The following ZCWPW2 variants were observed in gnomAD, a reference collection of about 807,000 sequenced individuals.
ZCWPW2 encodes the protein zinc finger CW-type PWWP domain protein 2.
A neutral mutation model predicts 46.6 loss-of-function variants in ZCWPW2; 45 were observed. That is an observed-to-expected ratio of 0.96 (90% CI 0.76 to 1.24). The LOEUF is 1.24. Ranked by LOEUF, ZCWPW2 falls within the 50% of genes most tolerant of loss-of-function variation. The probability of loss-of-function intolerance (pLI) is 0.00; values close to 1 mark genes in which losing one functional copy is unlikely to be tolerated. For missense variants in ZCWPW2, 429 were observed against 403.9 expected (o/e 1.06, Z -0.53); for synonymous variants, 152 against 137.1 (o/e 1.11, Z -0.76).
intron 4 of ZCWPW2, among the ~76,000 whole-genome samples, chr3:28,465,859 T>A (rs926900928): frequency 6.6e-6 from 1 of 152,096 alleles, no homozygotes; most frequent in Non-Finnish European, 1.5e-5. Flanking sequence ...TCTTTCTGCC[T>A]TAAAGACACA....
At position 28,380,033 on chromosome 3, in the gene ZCWPW2, A is replaced by G. The variant is rs556486751; in HGVS notation, c.-133-10465A>G. The stretch of plus-strand genomic sequence containing the variant: ...AGTCTAGCTCTGTCGCTCAGGCTGG[A>G]GTGCAGTGGCGTCATCTCGGCTCAC... On this transcript the variant is annotated intron_variant, in intron 1 of 9. Coordinates refer to ENST00000383768, the MANE Select transcript of ZCWPW2 (RefSeq NM_001040432.4). 3.4e-4 allele frequency among the ~76,000 whole-genome samples: 52 copies of G among 152,112 alleles called. No individual in the cohort carries two copies. The South Asian group carries it at 8.7e-3, about 26-fold the overall frequency.
chr3:28,431,743 G>A (rs1038694940), intron 3 of ZCWPW2, among the ~76,000 whole-genome samples: 2 of 152,126 alleles, frequency 1.3e-5, no homozygotes, highest in African/African-American at 4.8e-5. Context: ...TAACAACACA[G>A]TGAGGAACCA....
intron 5 of ZCWPW2, among the ~76,000 whole-genome samples, chr3:28,487,760 A>G (rs1211314669): frequency 6.6e-6 from 1 of 152,112 alleles, no homozygotes; most frequent in Non-Finnish European, 1.5e-5. Context: ...GGGGGAGGGA[A>G]AGCATTCTAT....
chr3:28,470,252 C>T (rs1020113504), intron 4 of ZCWPW2, among the ~76,000 whole-genome samples: 2 of 152,012 alleles, frequency 1.3e-5, no homozygotes, highest in African/African-American at 4.8e-5. Context: ...CCCAGCACTT[C>T]GGAAGGCCGA....
intron 2 of ZCWPW2, among the ~76,000 whole-genome samples, chr3:28,405,820 G>A (rs1696134917): frequency 6.6e-6 from 1 of 152,094 alleles, no homozygotes; most frequent in Non-Finnish European, 1.5e-5. Context: ...AAAGAAAAGA[G>A]GAGTGCAATA....
chr3:28,461,690 C>T (rs1244866051), intron 4 of ZCWPW2: 2 of 152,022 alleles, frequency 1.3e-5, no homozygotes, highest in Admixed American at 6.6e-5. Context: ...TGAAATTCTT[C>T]TAGGTTCCAA....
In ZCWPW2 at chr3:28,496,978, A is replaced by G. The variant is rs1373201761; in HGVS notation, c.657+4805A>G. On this transcript the variant is annotated intron_variant, in intron 6 of 9. Coordinates refer to ENST00000383768, the MANE Select transcript of ZCWPW2 (RefSeq NM_001040432.4). The stretch of plus-strand genomic sequence containing the variant: ...GTTTGTATTTTGTTTATTTATATAA[A>G]TACGTAAGTACTTATATACATTATA... 4.0e-5 allele frequency among the ~76,000 whole-genome samples: 6 copies of G among 150,728 alleles called. 1 individual carries two copies. The East Asian group carries it at 1.2e-3, about 29-fold the overall frequency.
At chr3:28,440,770 TG>T (rs1359183257) in intron 4 of ZCWPW2, among the ~76,000 whole-genome samples, 1 of 152,172 alleles carries the variant, frequency 6.6e-6, no homozygotes, top group Non-Finnish European at 1.5e-5. Context: ...AGGCATTCTG[TG>T]AGTCGATGGA....
chr3:28,493,138 A>ATTTTTTTTTATTTTT (rs1173597960), intron 6 of ZCWPW2, among the ~76,000 whole-genome samples: 1 of 56,634 alleles, frequency 1.8e-5, no homozygotes, highest in African/African-American at 8.1e-5. Flanking sequence ...TTTTTATTTT[A>ATTTTTTTTTATTTTT]TTTTTTTTAA....
chr3:28,398,612 G>T (rs1404034881), intron 2 of ZCWPW2, among the ~76,000 whole-genome samples: 1 of 152,068 alleles, frequency 6.6e-6, no homozygotes, highest in Non-Finnish European at 1.5e-5. Flanking sequence ...AAATACTGTG[G>T]GTGTCCAAAC....
At chr3:28,377,570 A>T (rs1221419628) in intron 1 of ZCWPW2, among the ~76,000 whole-genome samples, 2 of 152,054 alleles carry the variant, frequency 1.3e-5, no homozygotes, top group Non-Finnish European at 2.9e-5. Flanking sequence ...CCTTTAAATA[A>T]ATCAGCTGTA....
intron 6 of ZCWPW2, among the ~76,000 whole-genome samples, chr3:28,508,020 A>G (rs1441801025): frequency 6.6e-6 from 1 of 152,150 alleles, no homozygotes; most frequent in Non-Finnish European, 1.5e-5. Flanking sequence ...TCAGGGTTCT[A>G]CAGGCTGTAC....
At chr3:28,417,140 T>C (rs1299354562) in intron 3 of ZCWPW2, among the ~76,000 whole-genome samples, 2 of 148,718 alleles carry the variant, frequency 1.3e-5, no homozygotes, top group Admixed American at 1.4e-4. Context: ...AAAGGGGATA[T>C]CACTGCTAGC....
At chr3:28,474,483 T>C (rs1307908924) in intron 4 of ZCWPW2, among the ~76,000 whole-genome samples, 4 of 152,088 alleles carry the variant, frequency 2.6e-5, no homozygotes, top group Admixed American at 2.0e-4. Context: ...TTGAGCATTG[T>C]CAAATAAATA....
intron 1 of ZCWPW2, among the ~76,000 whole-genome samples, chr3:28,373,250 T>A (rs764396985): frequency 1.9e-4 from 29 of 152,214 alleles, no homozygotes; most frequent in Non-Finnish European, 3.4e-4. Context: ...ACATAGCAGC[T>A]ATACTAATTC....
chr3:28,524,515 G>A lies in ZCWPW2; in HGVS notation c.910-12G>A, dbSNP rs2125841804. 6.3e-7 allele frequency: 1 copy of A among 1,599,822 alleles called. No individual in the cohort carries two copies. The highest frequency in any genetic ancestry group is 8.5e-7 in the Non-Finnish European group (1 of 1,175,344). Reference sequence around the variant, plus strand: ...TGACATAGTTCCGATTAATTATATGGTTGTTTTGCAGTTATCTAAATGCAG... The same window carrying A: ...TGACATAGTTCCGATTAATTATATGATTGTTTTGCAGTTATCTAAATGCAG... On this transcript the variant is annotated splice_polypyrimidine_tract_variant and intron_variant, in intron 9 of 9. Coordinates refer to ENST00000383768, the MANE Select transcript of ZCWPW2 (RefSeq NM_001040432.4).
At position 28,362,703 on chromosome 3, in the gene ZCWPW2, C is replaced by T. The variant is rs145981745; in HGVS notation, c.-134+13500C>T. 2.5e-3 allele frequency among the ~76,000 whole-genome samples: 387 copies of T among 152,184 alleles called. 1 individual carries two copies. Among genetic ancestry groups the T allele is most frequent in the African/African-American group, 8.5e-3 (351 of 41,534 alleles). ...AACTGAAAATAGAACTACTGTTTAA[C>T]CTAGCAATCTCATTTCATACCCGAA... On this transcript the variant is annotated intron_variant, in intron 1 of 9. Transcript: ENST00000383768.
At chr3:28,467,013 G>C (rs1038011113) in intron 4 of ZCWPW2, among the ~76,000 whole-genome samples, 10 of 152,030 alleles carry the variant, frequency 6.6e-5, no homozygotes, top group Non-Finnish European at 1.5e-5. Flanking sequence ...TATAAAATAT[G>C]ATAGATATAA....
At chr3:28,349,512 T>G (rs1230324228) in intron 1 of ZCWPW2, among the ~76,000 whole-genome samples, 1 of 152,186 alleles carries the variant, frequency 6.6e-6, no homozygotes, top group Non-Finnish European at 1.5e-5. Context: ...CACCACGACT[T>G]CTAGCACACT....
Sources: gnomAD v4.1 joint callset for allele counts (sites outside exome capture counted in the v4.1 genomes callset) on GRCh38, gnomAD v4.1.1 for gene constraint, MANE v1.5 for transcripts, NCBI Gene and HGNC (gene_info 2026-07-23, HGNC 2026-07-21) for gene names.